Variants in USP46 observed in about 807,000 individuals in gnomAD.
USP46 encodes ubiquitin carboxyl-terminal hydrolase 46.
Under a neutral mutation model 44.4 loss-of-function variants are expected in USP46, and 12 were observed. The observed-to-expected ratio is 0.27, with a 90% CI of 0.17 to 0.44. The LOEUF is 0.44. Ranked by LOEUF, USP46 falls within the 20% of genes least tolerant of loss-of-function variation. The pLI is 1.00. For missense variants in USP46, 248 were observed against 444.8 expected (o/e 0.56, Z 3.98); for synonymous variants, 155 against 161.5 (o/e 0.96, Z 0.31).
chr4:52,629,943 T>TTATA (rs1351036473), intron 2 of USP46, among the ~76,000 whole-genome samples: 2 of 152,210 alleles, frequency 1.3e-5, no homozygotes, highest in Admixed American at 6.5e-5. Flanking sequence ...GTTCTTCCTA[T>TTATA]TATATCATGG....
chr4:52,637,657 A>G (rs1718167666), intron 1 of USP46, among the ~76,000 whole-genome samples: 1 of 152,142 alleles, frequency 6.6e-6, no homozygotes, highest in South Asian at 2.1e-4. Context: ...CAGCTAGGCC[A>G]GACTACCAGA....
chr4:52,605,244 C>G (rs1330344629), intron 5 of USP46, among the ~76,000 whole-genome samples: 1 of 152,212 alleles, frequency 6.6e-6, no homozygotes, highest in Non-Finnish European at 1.5e-5. Context: ...TTTTGCCTGC[C>G]TCCTTTGGAG....
rs1719072972 is a variant in USP46, at chr4:52,659,100, G to A, written c.36+15C>T. 1.3e-6 allele frequency: 2 copies of A among 1,555,628 alleles called. No homozygotes were observed. The highest frequency in any genetic ancestry group is 1.7e-6 in the Non-Finnish European group (2 of 1,153,086). ...CGCGAGTCGGGCGCGACCCCGAGGCGGCTCGGCCACTCACCATATTACAGA... is the reference window on the plus strand; with the variant it reads ...CGCGAGTCGGGCGCGACCCCGAGGCAGCTCGGCCACTCACCATATTACAGA... On this transcript the variant is annotated intron_variant, in intron 1 of 8. Coordinates refer to ENST00000441222, the MANE Select transcript of USP46 (RefSeq NM_022832.4). This position sits in a 1 kb window ranked among gnomAD's most constrained non-coding sequence, Gnocchi z 4.2.
At chr4:52,621,193 A>G (rs1166174613) in intron 4 of USP46, among the ~76,000 whole-genome samples, 2 of 152,222 alleles carry the variant, frequency 1.3e-5, no homozygotes, top group African/African-American at 4.8e-5. Context: ...TTGATAGCAA[A>G]ACCAGACAAG....
intron 7 of USP46, among the ~76,000 whole-genome samples, chr4:52,599,046 C>G (rs971711332): frequency 1.3e-5 from 2 of 152,202 alleles, no homozygotes; most frequent in Admixed American, 6.5e-5. Context: ...AAAGACCCCA[C>G]TTACTTAGGA....
At chr4:52,658,288 A>T in intron 1 of USP46, 2 of 456,220 alleles carry the variant, frequency 4.4e-6, no homozygotes. Flanking sequence ...CTTCCTACAG[A>T]AAAAGGGAAA....
chr4:52,632,806 G>T (rs1560405597), intron 1 of USP46, among the ~76,000 whole-genome samples: 1 of 149,752 alleles, frequency 6.7e-6, no homozygotes, highest in Non-Finnish European at 1.5e-5. Flanking sequence ...GTGATACCCT[G>T]TCTCAAGAAG....
At chr4:52,611,383 C>T (rs189461560) in intron 4 of USP46, among the ~76,000 whole-genome samples, 1 of 152,340 alleles carries the variant, frequency 6.6e-6, no homozygotes, top group African/African-American at 2.4e-5. Flanking sequence ...TGCTTACTTC[C>T]CACTAATTCA....
chr4:52,593,066 T>G lies in USP46; in HGVS notation c.*4574A>C. 2.5e-6 allele frequency: 1 copy of G among 397,438 alleles called. No individual in the cohort carries two copies. Among genetic ancestry groups the G allele is most frequent in the Non-Finnish European group, 4.4e-6 (1 of 225,758 alleles). 24.6% of individuals were successfully genotyped at this position (397,438 alleles called of 1,614,324 possible). On this transcript the variant is annotated 3_prime_UTR_variant, in exon 9 of 9. Transcript: ENST00000441222. ...GTATGTCTTTATAGCACTGCCAGAATGGACAAATACAACGACTTAGTAAGT... is the reference window on the plus strand; with the variant it reads ...GTATGTCTTTATAGCACTGCCAGAAGGGACAAATACAACGACTTAGTAAGT...
At chr4:52,624,371 A>C (rs1717497256) in intron 4 of USP46, among the ~76,000 whole-genome samples, 2 of 152,162 alleles carry the variant, frequency 1.3e-5, no homozygotes, top group African/African-American at 4.8e-5. Context: ...ATATATTTTT[A>C]AATGTTCAAG....
intron 4 of USP46, among the ~76,000 whole-genome samples, chr4:52,615,234 T>C (rs1176045335): frequency 6.6e-6 from 1 of 151,772 alleles, no homozygotes; most frequent in Non-Finnish European, 1.5e-5. Flanking sequence ...GAGACAAAAA[T>C]TGAAGGAAGT....
chr4:52,606,218 A>T (rs549903500), intron 5 of USP46, among the ~76,000 whole-genome samples: 92 of 152,336 alleles, frequency 6.0e-4, no homozygotes, highest in African/African-American at 2.1e-3. Context: ...GAAAGAGGGA[A>T]AGTGTGCCAG....
At chr4:52,622,061 G>C (rs761446316) in intron 4 of USP46, among the ~76,000 whole-genome samples, 1 of 152,148 alleles carries the variant, frequency 6.6e-6, no homozygotes, top group Non-Finnish European at 1.5e-5. Flanking sequence ...GCAGAACTAA[G>C]TAAATGTCTA....
At chr4:52,602,089 C>G (rs745357852) in intron 6 of USP46, 35 bp from the exon 7 acceptor site, 2 of 1,591,932 alleles carry the variant, frequency 1.3e-6, no homozygotes, top group Admixed American at 3.4e-5. Context: ...CAGTTGTACC[C>G]AACACCTATT....
Position 52,627,682 on chromosome 4 carries a change from C to A in USP46, c.331+268G>T, listed in dbSNP as rs570423418. ...CTGCCTTGGACACTATTCTCTCTTA[C>A]AATGATCCTGCCCAGAATGGAGCAA... On this transcript the variant is annotated intron_variant, in intron 3 of 8. Transcript: ENST00000441222. Among the ~76,000 whole-genome samples, 21 of 152,328 alleles carry A rather than the reference C, an allele frequency of 1.4e-4. No homozygotes were observed. In the South Asian group the frequency reaches 3.7e-3, roughly 27 times the overall value.
At chr4:52,653,794 C>T (rs1293554239) in intron 1 of USP46, among the ~76,000 whole-genome samples, 1 of 152,086 alleles carries the variant, frequency 6.6e-6, no homozygotes, top group Non-Finnish European at 1.5e-5. Context: ...TTAATACCAT[C>T]ATGGAACCCC....
At chr4:52,613,172 G>A (rs914776590) in intron 4 of USP46, among the ~76,000 whole-genome samples, 3 of 152,034 alleles carry the variant, frequency 2.0e-5, no homozygotes, top group Admixed American at 6.6e-5. Context: ...CAGTCTTTCC[G>A]GTCTGCAAGC....
intron 4 of USP46, among the ~76,000 whole-genome samples, chr4:52,616,313 T>C (rs1322217020): frequency 6.6e-6 from 1 of 152,182 alleles, no homozygotes; most frequent in African/African-American, 2.4e-5. Context: ...GTTCTGACAC[T>C]AAGAGATCTT....
chr4:52,601,426 T>A (rs1369986559), intron 7 of USP46, among the ~76,000 whole-genome samples: 1 of 152,212 alleles, frequency 6.6e-6, no homozygotes, highest in Non-Finnish European at 1.5e-5. Context: ...TAAGAATATA[T>A]TTTTAATCAC....
Sources: gnomAD v4.1 joint callset for allele counts (sites outside exome capture counted in the v4.1 genomes callset) on GRCh38, gnomAD v4.1.1 for gene constraint, Gnocchi (gnomAD v3.1) non-coding constraint, MANE v1.5 for transcripts, NCBI Gene and HGNC (gene_info 2026-07-23, HGNC 2026-07-21) for gene names.